The following L3MBTL3 variants were observed in gnomAD, a reference collection of about 807,000 sequenced individuals.
The protein encoded by L3MBTL3 is L3MBTL histone methyl-lysine binding protein 3.
A neutral mutation model predicts 102.3 loss-of-function variants in L3MBTL3; 27 were observed. That is an observed-to-expected ratio of 0.26 (90% CI 0.19 to 0.36). L3MBTL3 has a LOEUF of 0.36. Among genes scored for constraint, L3MBTL3 ranks in the 10% least tolerant of loss-of-function variants. The probability of loss-of-function intolerance (pLI) is 1.00; values close to 1 mark genes in which losing one functional copy is unlikely to be tolerated. For synonymous variants in L3MBTL3, 340 were observed against 320.9 expected (o/e 1.06, Z -0.64); for missense variants, 798 against 955.3 (o/e 0.84, Z 2.17).
chr6:130,051,170 T>C, intron 5 of L3MBTL3, 79 bp from the exon 6 acceptor site: 2 of 1,208,982 alleles, frequency 1.7e-6, no homozygotes, highest in East Asian at 4.8e-5. Context: ...AACAAAATTA[T>C]TAGAAGAAAA....
intron 22 of L3MBTL3, among the ~76,000 whole-genome samples, chr6:130,135,576 T>G (rs1677575137): frequency 6.6e-6 from 1 of 152,236 alleles, no homozygotes; most frequent in South Asian, 2.1e-4. Context: ...TTGAGTAAGA[T>G]TCAAGTTTAA....
chr6:130,120,866 C>A lies in L3MBTL3; in HGVS notation c.1887-13C>A. ...TTTCTCTTATAAAATATTGAAATGC[C>A]TGTTTTTCTTAGAGACCAGCATGCT... is the stretch of plus-strand genomic sequence containing the variant. On this transcript the variant is annotated splice_polypyrimidine_tract_variant and intron_variant, in intron 19 of 22. Coordinates refer to ENST00000361794, the MANE Select transcript of L3MBTL3 (RefSeq NM_032438.4). 1 of 1,596,676 alleles carries A rather than the reference C, an allele frequency of 6.3e-7. No homozygotes were observed.
chr6:130,134,659 G>C (rs1434859215), intron 22 of L3MBTL3, among the ~76,000 whole-genome samples: 1 of 152,178 alleles, frequency 6.6e-6, no homozygotes, highest in Non-Finnish European at 1.5e-5. Context: ...GATTTTGGCT[G>C]TGTCTACTCC....
At position 130,057,386 on chromosome 6, in the gene L3MBTL3, C is replaced by G; in HGVS notation, c.668-20C>G. On this transcript the variant is annotated intron_variant, in intron 8 of 22. Coordinates refer to ENST00000361794, the MANE Select transcript of L3MBTL3 (RefSeq NM_032438.4). ...CTTAGATTTGGAAATTCTGTCATTT[C>G]CGTCTTGCTTGCCTTTCAGGTTTGC... The G allele has an allele frequency of 6.3e-7, 1 of 1,585,326 alleles. No individual in the cohort carries two copies. Among genetic ancestry groups the G allele is most frequent in the Non-Finnish European group, 8.6e-7 (1 of 1,163,864 alleles).
intron 1 of L3MBTL3, among the ~76,000 whole-genome samples, chr6:130,021,554 A>G (rs980399250): frequency 6.6e-6 from 1 of 152,226 alleles, no homozygotes; most frequent in Non-Finnish European, 1.5e-5. Flanking sequence ...TCAATTTTTA[A>G]TTAACGAGTC....
intron 2 of L3MBTL3, among the ~76,000 whole-genome samples, chr6:130,039,289 A>C (rs1780263534): frequency 6.6e-6 from 1 of 152,096 alleles, no homozygotes; most frequent in Non-Finnish European, 1.5e-5. Context: ...CTCCTCTTTT[A>C]AAAGTACATG....
At chr6:130,058,162 A>AT (rs2114868759) in intron 9 of L3MBTL3, among the ~76,000 whole-genome samples, 1 of 149,290 alleles carries the variant, frequency 6.7e-6, no homozygotes, top group African/African-American at 2.4e-5. Context: ...AAAAAAAAAA[A>AT]AAAAAAAAAA....
chr6:130,124,951 CAA>C (rs1786495347), intron 20 of L3MBTL3, among the ~76,000 whole-genome samples: 1 of 150,074 alleles, frequency 6.7e-6, no homozygotes. Context: ...GCCTGGGCAA[CAA>C]GAGCGAAACT....
chr6:130,026,289 T>G (rs1008508588), intron 2 of L3MBTL3, among the ~76,000 whole-genome samples: 10 of 152,158 alleles, frequency 6.6e-5, no homozygotes, highest in African/African-American at 2.4e-4. Context: ...TTCACTAACC[T>G]TGAGCACTGG....
intron 16 of L3MBTL3, among the ~76,000 whole-genome samples, chr6:130,089,878 A>G (rs543651896): frequency 6.0e-4 from 90 of 151,244 alleles, no homozygotes; most frequent in Non-Finnish European, 1.2e-3. Flanking sequence ...TAGGCAACCT[A>G]CAGAATGGGA....
At chr6:130,124,970 C>CAA (rs61490555) in intron 20 of L3MBTL3, among the ~76,000 whole-genome samples, 1 of 136,072 alleles carries the variant, frequency 7.3e-6, no homozygotes, top group Non-Finnish European at 1.6e-5. Flanking sequence ...AACTCCATCT[C>CAA]AAAAAAAAAA....
intron 2 of L3MBTL3, among the ~76,000 whole-genome samples, chr6:130,036,752 A>G (rs1471319771): frequency 2.6e-5 from 4 of 152,200 alleles, no homozygotes; most frequent in Non-Finnish European, 4.4e-5. Context: ...TATCAGATAC[A>G]TGTTGCACTG....
At chr6:130,055,546 G>GTCTCCCTC (rs1177543404) in intron 8 of L3MBTL3, among the ~76,000 whole-genome samples, 4 of 49,580 alleles carry the variant, frequency 8.1e-5, no homozygotes. Context: ...CTCCCTCCCT[G>GTCTCCCTC]TCTCCCTCTC....
At chr6:130,027,577 C>T (rs1458709988) in intron 2 of L3MBTL3, among the ~76,000 whole-genome samples, 1 of 151,948 alleles carries the variant, frequency 6.6e-6, no homozygotes, top group African/African-American at 2.4e-5. Flanking sequence ...AGGTTGGCTA[C>T]AAATGGTTAT....
rs777526351 is a variant in L3MBTL3, at chr6:130,052,863, C to G, written c.454C>G (p.Gln152Glu). ...NCARHIKDKD[Q>E]KEERDVEEDN... ...TTGGGTTTATAAACACAACAGAGAT[C>G]AGAAGGAAGAAAGGGACGTAGAAGA... The change falls in exon 7 of 23, where the codon CAG becomes GAG. Residue 152 changes from glutamine to glutamate, a missense_variant. Physicochemically the swap from Gln to Glu is conservative, Grantham distance 29. Coordinates refer to ENST00000361794, the MANE Select transcript of L3MBTL3 (RefSeq NM_032438.4). The G allele has an allele frequency of 5.6e-6, 9 of 1,612,270 alleles. No homozygotes were observed. The East Asian group carries it at 1.8e-4, about 32-fold the overall frequency.
chr6:130,112,520 G>A lies in L3MBTL3; in HGVS notation c.1886+7945G>A, dbSNP rs1785417625. Among the ~76,000 whole-genome samples, 4 of 152,150 alleles carry A rather than the reference G, an allele frequency of 2.6e-5. No individual in the cohort carries two copies. The South Asian group carries it at 8.3e-4, about 32-fold the overall frequency. On this transcript the variant is annotated intron_variant, in intron 19 of 22. Coordinates refer to ENST00000361794, the MANE Select transcript of L3MBTL3 (RefSeq NM_032438.4). ...GAGTGGTATGTCCCAAACTGTTGTT[G>A]TTTAGTTTCCTGGCCCACATAGAAA... is the stretch of plus-strand genomic sequence containing the variant.
chr6:130,020,120 G>GGCCGGC (rs1778879467), intron 1 of L3MBTL3, among the ~76,000 whole-genome samples: 1 of 151,010 alleles, frequency 6.6e-6, no homozygotes, highest in African/African-American at 2.4e-5. Context: ...TCGGGGCCGG[G>GGCCGGC]GCCGGCGCCG....
chr6:130,137,652 T>C (rs1787843049), intron 22 of L3MBTL3: 1 of 152,178 alleles, frequency 6.6e-6, no homozygotes, highest in Non-Finnish European at 1.5e-5. Context: ...TGTTATACTC[T>C]TACATAGTTT....
At chr6:130,025,590 T>C (rs1584268774) in intron 2 of L3MBTL3, among the ~76,000 whole-genome samples, 1 of 152,162 alleles carries the variant, frequency 6.6e-6, no homozygotes, top group Non-Finnish European at 1.5e-5. Flanking sequence ...TGAGAGGAAC[T>C]TGAGTAAAGT....
Sources: allele counts gnomAD v4.1 joint callset (sites outside exome capture counted in the v4.1 genomes callset), GRCh38; gene constraint gnomAD v4.1.1; transcripts MANE v1.5; gene names NCBI Gene and HGNC (gene_info 2026-07-23, HGNC 2026-07-21).